The following RECK variants were observed in gnomAD, a reference collection of about 807,000 sequenced individuals.
The protein encoded by RECK is reversion-inducing cysteine-rich protein with Kazal motifs.
A neutral mutation model predicts 115.1 loss-of-function variants in RECK; 69 were observed. The observed-to-expected ratio is 0.60, with a 90% CI of 0.49 to 0.73. RECK has a LOEUF of 0.73. Among genes scored for constraint, RECK ranks in the 30% least tolerant of loss-of-function variants. The pLI is 0.00. For synonymous variants in RECK, 414 were observed against 419.7 expected (o/e 0.99, Z 0.17); for missense variants, 1,047 against 1,203.7 (o/e 0.87, Z 1.93).
chr9:36,071,372 G>GATAA (rs1207822955), intron 6 of RECK, among the ~76,000 whole-genome samples: 1 of 152,138 alleles, frequency 6.6e-6, no homozygotes, highest in Admixed American at 6.5e-5. Context: ...AAAGTGATGA[G>GATAA]ATAAATTTTA....
At chr9:36,104,292 G>GTATA (rs11273343) in intron 12 of RECK, among the ~76,000 whole-genome samples, 947 of 43,640 alleles carry the variant, frequency 0.022, 11 homozygotes, top group East Asian at 0.031. Context: ...GTGTGTGTGT[G>GTATA]TATATATATA....
At chr9:36,090,979 CTGT>C (rs1823134777) in intron 9 of RECK, among the ~76,000 whole-genome samples, 182 bp from the exon 10 acceptor site, 1 of 152,192 alleles carries the variant, frequency 6.6e-6, no homozygotes, top group Non-Finnish European at 1.5e-5. Context: ...TAAAAGAAGC[CTGT>C]TTTCCATGGA....
chr9:36,090,385 A>G (rs1823115047), intron 9 of RECK, among the ~76,000 whole-genome samples: 1 of 152,180 alleles, frequency 6.6e-6, no homozygotes, highest in Admixed American at 6.5e-5. Flanking sequence ...GAACAAATGT[A>G]AAAGTAAAGA....
intron 1 of RECK, among the ~76,000 whole-genome samples, chr9:36,040,503 T>C (rs1820831200): frequency 2.6e-5 from 4 of 152,154 alleles, no homozygotes; most frequent in Admixed American, 6.5e-5. Flanking sequence ...GTGCAGAGCA[T>C]TGCAAAAAAC....
At chr9:36,106,941 A>T (rs1284629556) in intron 13 of RECK, among the ~76,000 whole-genome samples, 1 of 151,602 alleles carries the variant, frequency 6.6e-6, no homozygotes, top group Non-Finnish European at 1.5e-5. Context: ...CATCTCTACT[A>T]ATAATACAAA....
Position 36,087,875 on chromosome 9 carries a change from T to G in RECK, c.819T>G (p.Pro273=), listed in dbSNP as rs1393329726. ...CFLESSQSVH[P]GVTVHPPPST... is the part of the protein sequence containing the mutation. ...TTGAAAGCTCACAATCTGTTCACCC[T>G]GGAGTCACTGTACACCCTCCTCCCT... The change falls in exon 9 of 21, where the codon CCT becomes CCG. Residue 273 remains proline (P), a synonymous_variant. Coordinates refer to ENST00000377966, the MANE Select transcript of RECK (RefSeq NM_021111.3). 1 of 1,613,792 alleles carries G rather than the reference T, an allele frequency of 6.2e-7. No individual in the cohort carries two copies. The highest frequency in any genetic ancestry group is 1.1e-5 in the South Asian group (1 of 91,084).
chr9:36,119,539 A>G (rs2132676307), intron 18 of RECK, among the ~76,000 whole-genome samples: 1 of 152,352 alleles, frequency 6.6e-6, no homozygotes, highest in Non-Finnish European at 1.5e-5. Context: ...AAGTAGCAGA[A>G]GAGACTTTAT....
chr9:36,062,436 C>G (rs1263713882), intron 4 of RECK, among the ~76,000 whole-genome samples: 1 of 152,060 alleles, frequency 6.6e-6, no homozygotes, highest in Non-Finnish European at 1.5e-5. Flanking sequence ...GCTGGGATTA[C>G]AGGTGTAAGC....
At position 36,118,803 on chromosome 9, in the gene RECK, C is replaced by T. The variant is rs766013116; in HGVS notation, c.2300C>T (p.Thr767Ile). The change falls in exon 18 of 21, where the codon ACC (threonine) becomes ATC (isoleucine). Residue 767 changes from threonine (T) to isoleucine (I), a missense_variant. Transcript: ENST00000377966. ...TEPVCGHNGE[T>I]YSSVCAAYSD... ...CCCGTATGTGGGCACAATGGTGAGACCTACAGCAGTGTGTGTGCTGCCTAC... is the reference window on the plus strand; with the variant it reads ...CCCGTATGTGGGCACAATGGTGAGATCTACAGCAGTGTGTGTGCTGCCTAC... 2.4e-5 allele frequency: 38 copies of T among 1,614,040 alleles called. 1 individual carries two copies. The Middle Eastern group carries it at 6.6e-4, about 28-fold the overall frequency.
chr9:36,067,867 T>C (rs1257264781), intron 6 of RECK, among the ~76,000 whole-genome samples: 2 of 152,088 alleles, frequency 1.3e-5, no homozygotes, highest in African/African-American at 4.8e-5. Flanking sequence ...ACGTTGCAAA[T>C]GAGAGAGGCC....
At chr9:36,104,318 A>T (rs1823700428) in intron 12 of RECK, among the ~76,000 whole-genome samples, 1 of 57,724 alleles carries the variant, frequency 1.7e-5, no homozygotes, top group South Asian at 7.3e-4. Context: ...ATATATATAT[A>T]TATATATATT....
intron 7 of RECK, among the ~76,000 whole-genome samples, chr9:36,082,019 TTTA>T (rs1822719494): frequency 6.6e-6 from 1 of 152,056 alleles, no homozygotes; most frequent in African/African-American, 2.4e-5. Context: ...TGGTTATGAC[TTTA>T]TTATTATCAT....
intron 8 of RECK, among the ~76,000 whole-genome samples, chr9:36,084,214 T>C (rs1340130453): frequency 6.6e-6 from 1 of 151,348 alleles, no homozygotes; most frequent in Non-Finnish European, 1.5e-5. Context: ...CTGGGCAACA[T>C]GGTGAAACCC....
intron 4 of RECK, among the ~76,000 whole-genome samples, chr9:36,061,229 T>C (rs565641977): frequency 7.9e-5 from 12 of 151,760 alleles, no homozygotes; most frequent in African/African-American, 2.9e-4. Context: ...TAGAGCTAAT[T>C]TCTTAAAAAA....
In RECK at chr9:36,112,313, T is replaced by C. The variant is rs754488270; in HGVS notation, c.1897T>C (p.Cys633Arg). The change falls in exon 16 of 21, where the codon TGT (cysteine) becomes CGT (arginine). Residue 633 changes from cysteine (C) to arginine (R), a missense_variant. By Grantham distance (180) the Cys-to-Arg change is radical. Transcript: ENST00000377966. The stretch of plus-strand genomic sequence containing the variant: ...CTGTTTCCTCTCCTCAGGTCTGCCC[T>C]GTAACTGTGCAGATCAGTTTGTCCC... The part of the protein sequence containing the change: ...DDRRTFTGLP[C>R]NCADQFVPVC... 7 of 1,613,124 alleles carry C rather than the reference T, an allele frequency of 4.3e-6. No individual in the cohort carries two copies. The highest frequency in any genetic ancestry group is 5.1e-6 in the Non-Finnish European group (6 of 1,179,906).
intron 1 of RECK, among the ~76,000 whole-genome samples, chr9:36,046,331 A>G (rs142580139): frequency 7.2e-5 from 11 of 152,334 alleles, no homozygotes; most frequent in African/African-American, 2.2e-4. Flanking sequence ...AGACCCTTAA[A>G]TGCCACATTA....
chr9:36,052,324 G>T lies in RECK; in HGVS notation c.159+1G>T, dbSNP rs866520798. 1 of 1,598,714 alleles carries T rather than the reference G, an allele frequency of 6.3e-7. No individual in the cohort carries two copies. Among genetic ancestry groups the T allele is most frequent in the East Asian group, 2.2e-5 (1 of 44,778 alleles). On this transcript the variant is annotated splice_donor_variant, in intron 2 of 20. Coordinates refer to ENST00000377966, the MANE Select transcript of RECK (RefSeq NM_021111.3). LOFTEE classifies it high-confidence loss of function. ...AATGTGCCGTGATGTATGTGAACAGGTAAGATTACATAATAATTACAGAGG... is the reference window on the plus strand; with the variant it reads ...AATGTGCCGTGATGTATGTGAACAGTTAAGATTACATAATAATTACAGAGG...
intron 19 of RECK, 30 bp from the exon 20 acceptor site, chr9:36,121,503 T>C: frequency 6.2e-7 from 1 of 1,601,262 alleles, no homozygotes; most frequent in Non-Finnish European, 8.5e-7. Flanking sequence ...TTCTTCTTTT[T>C]TTCAGGTAAT....
In RECK at chr9:36,122,964, C is replaced by T. The variant is rs1486911892; in HGVS notation, c.2835C>T (p.Val945=). Reference sequence around the variant, plus strand: ...CCAGCAGTGTGCCATCGGCCGGTGTCAGGGCCAGGCCTTCTTGCCACTCCC... The same window carrying T: ...CCAGCAGTGTGCCATCGGCCGGTGTTAGGGCCAGGCCTTCTTGCCACTCCC... ...QVSSSVPSAG[V]RARPSCHSLL... is the part of the protein sequence containing the mutation. Residue 945 remains valine, a synonymous_variant, in exon 21 of 21, where the codon GTC becomes GTT. Coordinates refer to ENST00000377966, the MANE Select transcript of RECK (RefSeq NM_021111.3). 2 of 1,614,182 alleles carry T rather than the reference C, an allele frequency of 1.2e-6. No homozygotes were observed. The highest frequency in any genetic ancestry group is 1.7e-6 in the Non-Finnish European group (2 of 1,180,046).
Sources: allele counts gnomAD v4.1 joint callset (sites outside exome capture counted in the v4.1 genomes callset), GRCh38; gene constraint gnomAD v4.1.1; transcripts MANE v1.5; gene names NCBI Gene and HGNC (gene_info 2026-07-23, HGNC 2026-07-21).